ARHGEF3: variants seen among roughly 807,000 people sequenced by gnomAD.
The protein encoded by ARHGEF3 is Rho guanine nucleotide exchange factor 3.
Under a neutral mutation model 63.2 loss-of-function variants are expected in ARHGEF3, and 28 were observed. The observed-to-expected ratio is 0.44, with a 90% CI of 0.33 to 0.61. The LOEUF (loss-of-function observed/expected upper bound fraction) is 0.61, where lower values mean the gene tolerates loss of function less well. Ranked by LOEUF, ARHGEF3 falls within the 20% of genes least tolerant of loss-of-function variation. ARHGEF3 has a pLI of 0.03. For synonymous variants in ARHGEF3, 266 were observed against 254.2 expected (o/e 1.05, Z -0.44); for missense variants, 533 against 659.3 (o/e 0.81, Z 2.10).
chr3:56,761,429 C>G (rs1052968461), intron 2 of ARHGEF3, among the ~76,000 whole-genome samples: 1 of 152,114 alleles, frequency 6.6e-6, no homozygotes, highest in Non-Finnish European at 1.5e-5. Flanking sequence ...ATCTACACAC[C>G]CTCTGCCCTT....
In ARHGEF3 at chr3:57,017,032, T is replaced by TCTCTCTCACA. The variant is rs1221332567; in HGVS notation, c.62+18055_62+18056insTGTGAGAGAG. 6.8e-3 allele frequency among the ~76,000 whole-genome samples: 705 copies of TCTCTCTCACA among 104,348 alleles called. 3 individuals are homozygous for TCTCTCTCACA. The highest frequency in any genetic ancestry group is 0.027 in the East Asian group (96 of 3,616). The allele number at this position is 104,348 out of a possible 152,430, so 68.5% of individuals were successfully genotyped here. On this transcript the variant is annotated intron_variant, in intron 2 of 12. Coordinates refer to the ARHGEF3 transcript ENST00000338458. Reference sequence around the variant, plus strand: ...CTCTCTCTCTCTCTCTCTCTCTCTCTCACACACACACACACACACACACAC... The same window carrying TCTCTCTCACA: ...CTCTCTCTCTCTCTCTCTCTCTCTCTCTCTCTCACACACACACACACACACACACACACAC...
At chr3:57,019,201 A>G (rs1015768409) in intron 2 of ARHGEF3, among the ~76,000 whole-genome samples, 2 of 152,172 alleles carry the variant, frequency 1.3e-5, no homozygotes, top group African/African-American at 2.4e-5. Context: ...TAAAAGAGGA[A>G]CAAGAGAGCA....
chr3:56,941,465 C>T (rs1156321705), intron 3 of ARHGEF3, among the ~76,000 whole-genome samples: 1 of 152,214 alleles, frequency 6.6e-6, no homozygotes, highest in East Asian at 1.9e-4. Flanking sequence ...GCCTTGGCCT[C>T]CCAAAGTGCT....
At chr3:56,761,402 C>T (rs1684538737) in intron 2 of ARHGEF3, among the ~76,000 whole-genome samples, 2 of 151,230 alleles carry the variant, frequency 1.3e-5, no homozygotes. Context: ...TCCCTATCAG[C>T]ATCCCTGCCA....
intron 3 of ARHGEF3, among the ~76,000 whole-genome samples, chr3:56,948,615 T>G (rs567049960): frequency 6.6e-6 from 1 of 151,992 alleles, no homozygotes; most frequent in Non-Finnish European, 1.5e-5. Flanking sequence ...AATAACAGGC[T>G]CTGAAATTGA....
At chr3:56,922,452 C>T (rs1290172949) in intron 3 of ARHGEF3, among the ~76,000 whole-genome samples, 2 of 107,866 alleles carry the variant, frequency 1.9e-5, no homozygotes, top group Admixed American at 3.0e-4. Flanking sequence ...ATTGCACTGT[C>T]AAAGTTGGTT....
chr3:56,995,626 A>G (rs1355643863), intron 2 of ARHGEF3, among the ~76,000 whole-genome samples: 2 of 31,532 alleles, frequency 6.3e-5, no homozygotes, highest in African/African-American at 1.5e-4. Flanking sequence ...TTTCCGAGAG[A>G]GAGAGAGAGA....
At chr3:56,882,552 C>T (rs1197723857) in intron 3 of ARHGEF3, among the ~76,000 whole-genome samples, 5 of 140,452 alleles carry the variant, frequency 3.6e-5, no homozygotes, top group South Asian at 2.3e-4. Flanking sequence ...CTCACTCTGT[C>T]GCCCAGGCTG....
At chr3:56,975,278 C>T (rs557369663) in intron 2 of ARHGEF3, among the ~76,000 whole-genome samples, 14 of 152,008 alleles carry the variant, frequency 9.2e-5, no homozygotes, top group Admixed American at 5.2e-4. Flanking sequence ...ATTAGCCGAG[C>T]GTGGTGGTGC....
intron 4 of ARHGEF3, among the ~76,000 whole-genome samples, chr3:56,830,823 C>G (rs1348952125): frequency 6.6e-6 from 1 of 152,152 alleles, no homozygotes; most frequent in Non-Finnish European, 1.5e-5. Context: ...GGATTGGCTC[C>G]TTTTTGTCAT....
At chr3:56,803,211 C>T (rs1433414859), upstream of ARHGEF3, among the ~76,000 whole-genome samples, 1 of 152,114 alleles carries the variant, frequency 6.6e-6, no homozygotes, top group Non-Finnish European at 1.5e-5. Flanking sequence ...GCTTATAGCT[C>T]ATGTTTTAAA....
chr3:56,877,609 G>C (rs1438160385), intron 4 of ARHGEF3, among the ~76,000 whole-genome samples: 1 of 152,104 alleles, frequency 6.6e-6, no homozygotes, highest in East Asian at 1.9e-4. Flanking sequence ...CTGGGCTCAA[G>C]TGATCCTCTC....
chr3:56,983,154 G>A (rs751457777), intron 2 of ARHGEF3, among the ~76,000 whole-genome samples: 3 of 152,146 alleles, frequency 2.0e-5, no homozygotes, highest in Non-Finnish European at 4.4e-5. Flanking sequence ...GTGTATGTAT[G>A]TATATATGTA....
intron 3 of ARHGEF3, among the ~76,000 whole-genome samples, chr3:56,948,042 G>C (rs1229907566): frequency 6.6e-6 from 1 of 152,116 alleles, no homozygotes; most frequent in Non-Finnish European, 1.5e-5. Flanking sequence ...GGTACATAAC[G>C]AAATGAAGGC....
chr3:56,748,922 AC>A (rs1183943373), intron 6 of ARHGEF3, among the ~76,000 whole-genome samples: 1 of 102,632 alleles, frequency 9.7e-6, no homozygotes, highest in Non-Finnish European at 2.1e-5. Context: ...GTTCCCCCCC[AC>A]CCCCCTTTTT....
At chr3:56,979,355 G>A (rs1208412145) in intron 2 of ARHGEF3, among the ~76,000 whole-genome samples, 2 of 152,218 alleles carry the variant, frequency 1.3e-5, no homozygotes, top group Non-Finnish European at 2.9e-5. Context: ...GCAGTGGTTG[G>A]GACAGGTTCA....
intron 2 of ARHGEF3, among the ~76,000 whole-genome samples, chr3:57,000,380 C>T (rs1180885752): frequency 6.6e-6 from 1 of 151,764 alleles, no homozygotes; most frequent in Non-Finnish European, 1.5e-5. Context: ...GGATCCTTCC[C>T]TGATCATAGG....
chr3:56,818,743 T>C (rs534953576), intron 4 of ARHGEF3, among the ~76,000 whole-genome samples: 6 of 152,264 alleles, frequency 3.9e-5, no homozygotes, highest in Non-Finnish European at 7.4e-5. Flanking sequence ...TCCTACGCGC[T>C]TGGAATATGA....
intron 4 of ARHGEF3, among the ~76,000 whole-genome samples, chr3:56,835,561 T>G (rs2039081409): frequency 6.6e-6 from 1 of 152,226 alleles, no homozygotes; most frequent in African/African-American, 2.4e-5. Flanking sequence ...AATAATATGC[T>G]GAATTAATGC....
Sources: allele counts gnomAD v4.1 joint callset (sites outside exome capture counted in the v4.1 genomes callset), GRCh38; gene constraint gnomAD v4.1.1; transcripts MANE v1.5; gene names NCBI Gene and HGNC (gene_info 2026-07-23, HGNC 2026-07-21).